FECH: variants seen among roughly 807,000 people sequenced by gnomAD.
FECH encodes the protein ferrochelatase.
A neutral mutation model predicts 56.9 loss-of-function variants in FECH; 40 were observed. The observed-to-expected ratio is 0.70, with a 90% CI of 0.55 to 0.92. The LOEUF (loss-of-function observed/expected upper bound fraction) is 0.92, where lower values mean the gene tolerates loss of function less well. Among genes scored for constraint, FECH ranks in the 40% least tolerant of loss-of-function variants. The pLI is 0.00. For synonymous variants in FECH, 175 were observed against 198.6 expected, an observed-to-expected ratio of 0.88 and a Z score of 1.00; for missense variants, 431 against 529.1, an observed-to-expected ratio of 0.81 and a Z score of 1.82.
rs201434287 is a variant in FECH, at chr18:57,545,828, A to AG, written c.*4883_*4884insC. On this transcript the variant is annotated 3_prime_UTR_variant, in exon 11 of 11. Transcript: ENST00000262093. ...TAGCTGGAGAAAATTGACAAAAAAA[A>AG]TAGAAAGTTTGTAAAATGATCAAAA... is the stretch of plus-strand genomic sequence containing the variant. 6.3e-3 allele frequency among the ~76,000 whole-genome samples: 954 copies of AG among 152,252 alleles called. 15 individuals are homozygous for AG. The highest frequency in any genetic ancestry group is 0.056 in the East Asian group (292 of 5,182).
At chr18:57,571,085 C>A (rs906317694) in intron 4 of FECH, among the ~76,000 whole-genome samples, 1 of 152,228 alleles carries the variant, frequency 6.6e-6, no homozygotes, top group Non-Finnish European at 1.5e-5. Flanking sequence ...ATATATGCAT[C>A]TTTCTTTCAT....
rs1159703147 is a variant in FECH at position 57,554,323 on chromosome 18, G to A, written c.1014C>T (p.Thr338=). 1.2e-6 allele frequency: 2 copies of A among 1,614,206 alleles called. No homozygotes were observed. The highest frequency in any genetic ancestry group is 8.5e-7 in the Non-Finnish European group (1 of 1,180,014). ...CATACAGCGTTTCAATATGGTCACT[G>A]GTAAATGCTATCGGAACCAAGAGGA... ...KNILLVPIAF[T]SDHIETLYEL... Residue 338 remains threonine (T), a synonymous_variant, in exon 9 of 11, where the codon ACC becomes ACT. Coordinates refer to ENST00000262093, the MANE Select transcript of FECH (RefSeq NM_000140.5).
chr18:57,561,367 C>T (rs1246641734), intron 6 of FECH, among the ~76,000 whole-genome samples: 1 of 152,118 alleles, frequency 6.6e-6, no homozygotes, highest in East Asian at 1.9e-4. Context: ...TTTTTCTTTT[C>T]TCGGCTTGCA....
intron 2 of FECH, among the ~76,000 whole-genome samples, chr18:57,576,598 G>A (rs2051188960): frequency 6.6e-6 from 1 of 152,176 alleles, no homozygotes; most frequent in Admixed American, 6.5e-5. Flanking sequence ...GTGCAAACGG[G>A]ATTTAGAGCT....
chr18:57,571,287 G>C (rs1599003004), intron 4 of FECH, 105 bp downstream of exon 4: 1 of 1,178,932 alleles, frequency 8.5e-7, no homozygotes, highest in Non-Finnish European at 1.2e-6. Flanking sequence ...ACCACAAATT[G>C]AGTTGCCAGT....
rs890246717 is a variant in FECH at position 57,554,697 on chromosome 18, C to T, written c.912+148G>A. The stretch of plus-strand genomic sequence containing the variant: ...ACTTGATTTCCCCTTCTATCTTACT[C>T]GCTTGCAGAGTTCTTTCTGCCCATG... On this transcript the variant is annotated intron_variant, in intron 8 of 10. Transcript: ENST00000262093. The T allele has an allele frequency of 5.5e-5, 42 of 757,738 alleles. No individual in the cohort carries two copies. The African/African-American group carries it at 5.7e-4, about 10-fold the overall frequency. 46.9% of individuals were successfully genotyped at this position (757,738 alleles called of 1,614,324 possible). A position where few individuals can be genotyped will look rare whatever the true frequency, so the allele number is the denominator to read the frequency against.
rs1038231035 is a variant in FECH at position 57,571,732 on chromosome 18, C to G, written c.315-192G>C. Reference sequence around the variant, plus strand: ...GTAGAATAAGGAGCTAAAGCTATACCCTCTCTGAGGAATACCCAGCTGTGC... The same window carrying G: ...GTAGAATAAGGAGCTAAAGCTATACGCTCTCTGAGGAATACCCAGCTGTGC... On this transcript the variant is annotated intron_variant, in intron 3 of 10. Coordinates refer to ENST00000262093, the MANE Select transcript of FECH (RefSeq NM_000140.5). 4.3e-6 allele frequency: 3 copies of G among 704,694 alleles called. No homozygotes were observed. In the African/African-American group the frequency reaches 5.4e-5, roughly 13 times the overall value. 43.7% of individuals were successfully genotyped at this position (704,694 alleles called of 1,614,324 possible).
chr18:57,581,596 T>G (rs1273357545), intron 1 of FECH, among the ~76,000 whole-genome samples: 1 of 152,212 alleles, frequency 6.6e-6, no homozygotes, highest in Non-Finnish European at 1.5e-5. Context: ...CAGCTCTGAC[T>G]CTGAATTCAG....
At chr18:57,579,289 A>ATG (rs71171043) in intron 2 of FECH, among the ~76,000 whole-genome samples, 9,411 of 141,966 alleles carry the variant, frequency 0.066, 1,034 homozygotes, top group African/African-American at 0.23. Context: ...GTGTGTATAT[A>ATG]TGTGTGTGTG....
At chr18:57,568,118 G>A (rs1264083461) in intron 4 of FECH, among the ~76,000 whole-genome samples, 1 of 152,212 alleles carries the variant, frequency 6.6e-6, no homozygotes, top group African/African-American at 2.4e-5. Flanking sequence ...GATTTGAGCT[G>A]AGGTTTAGCA....
intron 9 of FECH, 30 bp from the exon 10 acceptor site, chr18:57,551,404 C>T: frequency 6.4e-7 from 1 of 1,568,332 alleles, no homozygotes; most frequent in Non-Finnish European, 8.8e-7. Flanking sequence ...GGAGGAAAAA[C>T]ACAGATATAT....
rs2050752417 is a variant in FECH, at chr18:57,548,666, T to C, written c.*2046A>G. ...GTTACCCATCCGTGGTTAGTAACAA[T>C]CAAAGGCAACACTTCTTACAGCAAC... On this transcript the variant is annotated 3_prime_UTR_variant, in exon 11 of 11. Coordinates refer to ENST00000262093, the MANE Select transcript of FECH (RefSeq NM_000140.5). 1 of 152,210 alleles carries C rather than the reference T, an allele frequency of 6.6e-6. No individual in the cohort carries two copies. The highest frequency in any genetic ancestry group is 1.5e-5 in the Non-Finnish European group (1 of 68,048). 9.4% of individuals were successfully genotyped at this position (152,210 alleles called of 1,614,324 possible).
Position 57,577,310 on chromosome 18 carries a change from T to C in FECH, c.194+2763A>G, listed in dbSNP as rs146176835. Among the ~76,000 whole-genome samples the C allele has an allele frequency of 4.7e-5, 7 of 148,504 alleles. No homozygotes were observed. The East Asian group carries it at 1.3e-3, about 29-fold the overall frequency. On this transcript the variant is annotated intron_variant, in intron 2 of 10. Coordinates refer to ENST00000262093, the MANE Select transcript of FECH (RefSeq NM_000140.5). The stretch of plus-strand genomic sequence containing the variant: ...AACACAGCTCCCCTCATTGTTTATG[T>C]AATATCTATGGCTGCTCTCACACTA...
chr18:57,580,243 T>C, intron 1 of FECH, 44 bp from the exon 2 acceptor site: 1 of 1,612,674 alleles, frequency 6.2e-7, no homozygotes, highest in Non-Finnish European at 8.5e-7. Flanking sequence ...AGCTAGAAAG[T>C]AATTTCTTCT....
At position 57,550,289 on chromosome 18, in the gene FECH, C is replaced by T. The variant is rs184781583; in HGVS notation, c.*423G>A. On this transcript the variant is annotated 3_prime_UTR_variant, in exon 11 of 11. Coordinates refer to ENST00000262093, the MANE Select transcript of FECH (RefSeq NM_000140.5). ...TTCACTTCAAATACTCAACTGTGTT[C>T]ATTTAAAAAACAGCAACTATATGCA... 51 of 162,180 alleles carry T rather than the reference C, an allele frequency of 3.1e-4. No individual in the cohort carries two copies. The highest frequency in any genetic ancestry group is 1.8e-4 in the Non-Finnish European group (13 of 73,816). The allele number at this position is 162,180 out of a possible 1,614,324, so 10.0% of individuals were successfully genotyped here.
At chr18:57,558,834 C>T (rs1417468918) in intron 7 of FECH, among the ~76,000 whole-genome samples, 1 of 152,076 alleles carries the variant, frequency 6.6e-6, no homozygotes, top group Non-Finnish European at 1.5e-5. Context: ...GGCAAGAGAA[C>T]TGCTTGAGCC....
At position 57,570,032 on chromosome 18, in the gene FECH, C is replaced by CGTGTGTGT. The variant is rs10608112; in HGVS notation, c.463+1352_463+1359dup. On this transcript the variant is annotated intron_variant, in intron 4 of 10. Coordinates refer to ENST00000262093, the MANE Select transcript of FECH (RefSeq NM_000140.5). ...TTGCTGTTGTTGTTGTTGTTGTTGTCGTGTGTGTGTGTGTGTGTGTGTGTG... is the reference window on the plus strand; with the variant it reads ...TTGCTGTTGTTGTTGTTGTTGTTGTCGTGTGTGTGTGTGTGTGTGTGTGTGTGTGTGTG... 4.5e-3 allele frequency among the ~76,000 whole-genome samples: 547 copies of CGTGTGTGT among 122,846 alleles called. 2 individuals carry two copies. The highest frequency in any genetic ancestry group is 6.3e-3 in the African/African-American group (221 of 34,874). 80.6% of individuals were successfully genotyped at this position (122,846 alleles called of 152,430 possible).
Position 57,546,212 on chromosome 18 carries a change from A to G in FECH, c.*4500T>C, listed in dbSNP as rs2050717850. Among the ~76,000 whole-genome samples the G allele has an allele frequency of 6.6e-6, 1 of 152,142 alleles. No homozygotes were observed. The highest frequency in any genetic ancestry group is 2.4e-5 in the African/African-American group (1 of 41,428). The stretch of plus-strand genomic sequence containing the variant: ...TTTCAGGTGAGGTGAGAAGGTTAAG[A>G]GGTGAATTGGAGGTTCTTGGCTGAT... On this transcript the variant is annotated 3_prime_UTR_variant, in exon 11 of 11. Transcript: ENST00000262093.
chr18:57,557,798 A>T (rs2050887858), intron 7 of FECH, among the ~76,000 whole-genome samples: 1 of 152,156 alleles, frequency 6.6e-6, no homozygotes, highest in Admixed American at 6.5e-5. Context: ...CCCGTCTCAA[A>T]AAAAAAGCAA....
Sources: allele counts gnomAD v4.1 joint callset (sites outside exome capture counted in the v4.1 genomes callset), GRCh38; gene constraint gnomAD v4.1.1; transcripts MANE v1.5; gene names NCBI Gene and HGNC (gene_info 2026-07-23, HGNC 2026-07-21).